Variants in OLFM3 observed in about 807,000 individuals in gnomAD.
OLFM3 encodes olfactomedin 3.
Under a neutral mutation model 48.6 loss-of-function variants are expected in OLFM3, and 20 were observed. That is an observed-to-expected ratio of 0.41 (90% confidence interval 0.29 to 0.60). The LOEUF is 0.60. Ranked by LOEUF, OLFM3 falls within the 20% of genes least tolerant of loss-of-function variation. The pLI is 0.28. For missense variants in OLFM3, 437 were observed against 544.3 expected, an observed-to-expected ratio of 0.80 and a Z score of 1.96; for synonymous variants, 222 against 198.1, an observed-to-expected ratio of 1.12 and a Z score of -1.01.
At chr1:101,841,934 G>A (rs1655741799) in intron 1 of OLFM3, among the ~76,000 whole-genome samples, 1 of 152,188 alleles carries the variant, frequency 6.6e-6, no homozygotes, top group African/African-American at 2.4e-5. Flanking sequence ...TTTTCTGTCT[G>A]AAGATAGGCT....
chr1:101,908,192 T>A (rs1658617013), intron 1 of OLFM3, among the ~76,000 whole-genome samples: 2 of 152,112 alleles, frequency 1.3e-5, no homozygotes, highest in Non-Finnish European at 2.9e-5. Flanking sequence ...GAGAAATGAG[T>A]CATAGGCAAT....
At chr1:101,836,830 G>A (rs768412012) in intron 2 of OLFM3, 49 bp downstream of exon 2, 1 of 1,572,222 alleles carries the variant, frequency 6.4e-7, no homozygotes, top group Admixed American at 1.7e-5. Context: ...CCTTTTGAAA[G>A]AATGGTCGAT....
chr1:101,991,017 A>AAATATATG (rs1557760244), intron 1 of OLFM3, among the ~76,000 whole-genome samples: 1 of 34,432 alleles, frequency 2.9e-5, no homozygotes, highest in Non-Finnish European at 5.1e-5. Context: ...AAAAAAAAAA[A>AAATATATG]TATATATATA....
intron 2 of OLFM3, among the ~76,000 whole-genome samples, chr1:101,834,819 G>C (rs1005203339): frequency 6.6e-6 from 1 of 152,136 alleles, no homozygotes; most frequent in African/African-American, 2.4e-5. Context: ...TGGATGGATG[G>C]AGTGGTCATA....
intron 1 of OLFM3, among the ~76,000 whole-genome samples, chr1:101,890,669 A>C (rs1414589391): frequency 6.6e-6 from 1 of 150,874 alleles, no homozygotes; most frequent in Non-Finnish European, 1.5e-5. Flanking sequence ...TCACATGCTT[A>C]TTCACCAAGT....
chr1:101,919,150 T>C (rs898521502), intron 1 of OLFM3, among the ~76,000 whole-genome samples: 4 of 152,170 alleles, frequency 2.6e-5, no homozygotes, highest in African/African-American at 7.2e-5. Flanking sequence ...AGAAATTTCT[T>C]GCGCTGACTT....
intron 1 of OLFM3, among the ~76,000 whole-genome samples, chr1:101,991,019 AT>A (rs1557760290): frequency 2.4e-4 from 20 of 82,570 alleles, no homozygotes; most frequent in African/African-American, 3.0e-4. Context: ...AAAAAAAAAT[AT>A]ATATATATAT....
At chr1:101,809,990 GA>G (rs1423128208) in intron 4 of OLFM3, among the ~76,000 whole-genome samples, 1 of 151,916 alleles carries the variant, frequency 6.6e-6, no homozygotes, top group African/African-American at 2.4e-5. Context: ...GTGATTACAG[GA>G]AAGCCAAAAT....
intron 3 of OLFM3, among the ~76,000 whole-genome samples, chr1:101,830,462 A>G (rs1297753013): frequency 6.6e-6 from 1 of 152,176 alleles, no homozygotes; most frequent in African/African-American, 2.4e-5. Context: ...ACCAAACTCT[A>G]CAAGAATGAA....
At chr1:101,820,403 T>A (rs1271986262) in intron 4 of OLFM3, among the ~76,000 whole-genome samples, 1 of 152,088 alleles carries the variant, frequency 6.6e-6, no homozygotes, top group East Asian at 1.9e-4. Flanking sequence ...GTGTACAAAC[T>A]TCAATCATGT....
intron 1 of OLFM3, among the ~76,000 whole-genome samples, chr1:101,956,554 C>T (rs1047439490): frequency 2.0e-5 from 3 of 151,846 alleles, no homozygotes; most frequent in Non-Finnish European, 4.4e-5. Context: ...TGACACTTTG[C>T]CAGAGTTCTA....
rs540279616 is a variant in OLFM3 at position 101,926,326 on chromosome 1, G to A, written c.69+70422C>T. ...TCTAATACTGTAGTCTATATCACAGGCAAAATCATATTTACACTATCTTGT... is the reference window on the plus strand; with the variant it reads ...TCTAATACTGTAGTCTATATCACAGACAAAATCATATTTACACTATCTTGT... On this transcript the variant is annotated intron_variant, in intron 1 of 5. Transcript: ENST00000370103. Among the ~76,000 whole-genome samples, 4 of 152,164 alleles carry A rather than the reference G, an allele frequency of 2.6e-5. No individual in the cohort carries two copies. The South Asian group carries it at 8.3e-4, about 32-fold the overall frequency.
intron 1 of OLFM3, among the ~76,000 whole-genome samples, chr1:101,905,422 T>C (rs1658520191): frequency 6.6e-6 from 1 of 152,184 alleles, no homozygotes; most frequent in Non-Finnish European, 1.5e-5. Context: ...TAATACTCTG[T>C]ATCCAGACTG....
At chr1:101,879,859 A>G (rs773091806) in intron 1 of OLFM3, among the ~76,000 whole-genome samples, 6 of 151,856 alleles carry the variant, frequency 4.0e-5, no homozygotes, top group Non-Finnish European at 8.8e-5. Flanking sequence ...ACACCCTAAA[A>G]TAAAGTTTCT....
intron 1 of OLFM3, among the ~76,000 whole-genome samples, chr1:101,958,742 G>A (rs1366581002): frequency 6.7e-6 from 1 of 150,006 alleles, no homozygotes; most frequent in Admixed American, 6.7e-5. Context: ...AAATAGAGTG[G>A]GTATAGTCTC....
chr1:101,830,870 A>T, intron 2 of OLFM3, 43 bp from the exon 3 acceptor site: 1 of 1,571,156 alleles, frequency 6.4e-7, no homozygotes, highest in Non-Finnish European at 8.6e-7. Flanking sequence ...ATCTGTTTGC[A>T]GGTTTGTGCA....
intron 1 of OLFM3, among the ~76,000 whole-genome samples, chr1:101,933,527 C>T (rs1659520562): frequency 6.6e-6 from 1 of 152,006 alleles, no homozygotes; most frequent in Non-Finnish European, 1.5e-5. Context: ...AAGCAAGCAA[C>T]TTAGAAAGCA....
intron 1 of OLFM3, among the ~76,000 whole-genome samples, chr1:101,862,921 G>GA (rs1352978212): frequency 6.6e-6 from 1 of 151,812 alleles, no homozygotes; most frequent in African/African-American, 2.4e-5. Context: ...AATGCCCTTT[G>GA]AAAATCTCTG....
chr1:101,867,122 AT>A (rs1656888334), intron 1 of OLFM3, among the ~76,000 whole-genome samples: 1 of 152,196 alleles, frequency 6.6e-6, no homozygotes, highest in African/African-American at 2.4e-5. Context: ...TTGGTGGTCA[AT>A]TTGCATTGCT....
Sources: gnomAD v4.1 joint callset for allele counts (sites outside exome capture counted in the v4.1 genomes callset) on GRCh38, gnomAD v4.1.1 for gene constraint, MANE v1.5 for transcripts, NCBI Gene and HGNC (gene_info 2026-07-23, HGNC 2026-07-21) for gene names.